NAV2: variants seen among roughly 807,000 people sequenced by gnomAD.
NAV2 encodes neuron navigator 2.
Under a neutral mutation model 223.2 loss-of-function variants are expected in NAV2, and 54 were observed. The ratio of observed to expected loss-of-function variants is 0.24; its 90% CI spans 0.19 to 0.30. The LOEUF (loss-of-function observed/expected upper bound fraction) is 0.30. Ranked by LOEUF, NAV2 falls within the 10% of genes least tolerant of loss-of-function variation. NAV2 has a pLI of 1.00. For missense variants in NAV2, 2,806 were observed against 3,147.5 expected (o/e 0.89, Z 2.60); for synonymous variants, 1,279 against 1,239.3 (o/e 1.03, Z -0.67).
At chr11:19,439,877 A>G (rs146960732) in intron 1 of NAV2, among the ~76,000 whole-genome samples, 6 of 152,338 alleles carry the variant, frequency 3.9e-5, no homozygotes, top group Non-Finnish European at 8.8e-5. Flanking sequence ...ATCAGTCCTC[A>G]TTACCCAGGG....
chr11:19,801,996 C>T (rs1206696494), intron 1 of NAV2, among the ~76,000 whole-genome samples: 1 of 152,060 alleles, frequency 6.6e-6, no homozygotes, highest in East Asian at 1.9e-4. Context: ...GGAGAATAGC[C>T]AGGGTGGTGA....
At chr11:20,066,299 G>A (rs1490743336) in intron 20 of NAV2, among the ~76,000 whole-genome samples, 12 of 152,196 alleles carry the variant, frequency 7.9e-5, no homozygotes, top group Non-Finnish European at 1.8e-4. Flanking sequence ...GTGGTAGTGA[G>A]GATAGATGGA....
chr11:20,004,419 C>G (rs866740624), intron 11 of NAV2, among the ~76,000 whole-genome samples: 1 of 152,136 alleles, frequency 6.6e-6, no homozygotes, highest in Non-Finnish European at 1.5e-5. Context: ...TGCCGTAAGT[C>G]AATACTGGCG....
At chr11:19,609,987 C>A (rs570091740) in intron 1 of NAV2, among the ~76,000 whole-genome samples, 1 of 152,308 alleles carries the variant, frequency 6.6e-6, no homozygotes, top group South Asian at 2.1e-4. Context: ...CAAGTATAAT[C>A]CCAATTTTAC....
At chr11:20,066,095 G>T (rs191201402) in intron 20 of NAV2, among the ~76,000 whole-genome samples, 1 of 152,214 alleles carries the variant, frequency 6.6e-6, no homozygotes. Context: ...TTGTTAAAAG[G>T]ATTAGATGAA....
chr11:20,093,765 A>G (rs1441571184), intron 29 of NAV2, among the ~76,000 whole-genome samples: 4 of 152,228 alleles, frequency 2.6e-5, no homozygotes, highest in South Asian at 2.1e-4. Context: ...TTCACTTCCA[A>G]AGTCTAGGAA....
rs184978478 is a variant in NAV2 at position 19,713,746 on chromosome 11, C to A, written c.51C>A (p.Pro17=). Residue 17 remains proline (P), a synonymous_variant, in exon 1 of 38, where the codon CCC becomes CCA. Coordinates refer to ENST00000349880, the MANE Select transcript of NAV2 (RefSeq NM_145117.5). The surrounding 1 kb of genome is among the most constrained non-coding windows in gnomAD (Gnocchi z 7.2). ...ASKMKSGLPK[P]VHSAAPILHV... ...AAATGAAGTCGGGACTGCCCAAACCCGTGCACAGCGCCGCGCCCATCCTGC... is the reference window on the plus strand; with the variant it reads ...AAATGAAGTCGGGACTGCCCAAACCAGTGCACAGCGCCGCGCCCATCCTGC... The A allele has an allele frequency of 4.3e-5, 70 of 1,611,144 alleles. 1 individual carries two copies. The East Asian group carries it at 1.5e-3, about 35-fold the overall frequency.
chr11:20,071,589 A>G (rs2059407721), intron 22 of NAV2, among the ~76,000 whole-genome samples: 1 of 152,124 alleles, frequency 6.6e-6, no homozygotes, highest in Non-Finnish European at 1.5e-5. Context: ...ACAGTATAAA[A>G]GTGTTCCTAT....
intron 35 of NAV2, among the ~76,000 whole-genome samples, chr11:20,106,207 A>G (rs1390264601): frequency 0.044 from 2,215 of 50,862 alleles, 362 homozygotes; most frequent in African/African-American, 0.063. Context: ...ATATATATAT[A>G]TATATATATA....
At chr11:19,585,563 G>A (rs1007305213) in intron 1 of NAV2, among the ~76,000 whole-genome samples, 1 of 152,104 alleles carries the variant, frequency 6.6e-6, no homozygotes, top group Non-Finnish European at 1.5e-5. Context: ...AGCTCTTTTA[G>A]GGCAGGCCTG....
intron 1 of NAV2, among the ~76,000 whole-genome samples, chr11:19,638,282 C>G (rs2047560394): frequency 6.6e-6 from 1 of 152,246 alleles, no homozygotes; most frequent in South Asian, 2.1e-4. Context: ...GAGTTTCACT[C>G]TCTGTGTCTG....
intron 1 of NAV2, among the ~76,000 whole-genome samples, chr11:19,383,523 T>C (rs150945163): frequency 1.3e-3 from 201 of 152,314 alleles, no homozygotes; most frequent in Middle Eastern, 6.8e-3. Context: ...AAAAAGCCCT[T>C]GAGAAATGCC....
At chr11:20,038,661 G>C (rs1004936209) in intron 12 of NAV2, among the ~76,000 whole-genome samples, 9 of 152,188 alleles carry the variant, frequency 5.9e-5, no homozygotes, top group Non-Finnish European at 8.8e-5. Context: ...CTTCTATGCT[G>C]TGGCTCATTT....
chr11:19,861,369 TTC>T (rs567806481), intron 3 of NAV2, among the ~76,000 whole-genome samples: 92 of 150,312 alleles, frequency 6.1e-4, no homozygotes, highest in Non-Finnish European at 9.8e-4. Flanking sequence ...GCCTGTTCGA[TTC>T]TCTGTTTCAC....
chr11:19,837,319 G>A (rs1263862240), intron 2 of NAV2, among the ~76,000 whole-genome samples: 1 of 152,224 alleles, frequency 6.6e-6, no homozygotes, highest in Non-Finnish European at 1.5e-5. Flanking sequence ...GATAGAGGGA[G>A]TTGCAGCCTT....
chr11:19,554,855 G>T (rs1053287050), intron 1 of NAV2, among the ~76,000 whole-genome samples: 1 of 151,902 alleles, frequency 6.6e-6, no homozygotes, highest in African/African-American at 2.4e-5. Flanking sequence ...GCTGAGGCAG[G>T]AGAATCACTT....
intron 7 of NAV2, among the ~76,000 whole-genome samples, chr11:19,934,628 G>A (rs955063075): frequency 2.6e-5 from 4 of 152,126 alleles, no homozygotes; most frequent in Admixed American, 6.5e-5. Context: ...GGTGTCACCC[G>A]ACAGTCCCCA....
intron 1 of NAV2, among the ~76,000 whole-genome samples, chr11:19,761,862 A>G (rs2054774067): frequency 6.6e-6 from 1 of 152,100 alleles, no homozygotes; most frequent in African/African-American, 2.4e-5. Flanking sequence ...CATGTTCATT[A>G]CCTTCACCCT....
At chr11:19,787,642 T>C (rs1354833298) in intron 1 of NAV2, among the ~76,000 whole-genome samples, 1 of 152,114 alleles carries the variant, frequency 6.6e-6, no homozygotes, top group Admixed American at 6.5e-5. Context: ...CAGATATGTT[T>C]AAGAGGTGTG....
Sources: gnomAD v4.1 joint callset for allele counts (sites outside exome capture counted in the v4.1 genomes callset) on GRCh38, gnomAD v4.1.1 for gene constraint, Gnocchi (gnomAD v3.1) non-coding constraint, MANE v1.5 for transcripts, NCBI Gene and HGNC (gene_info 2026-07-23, HGNC 2026-07-21) for gene names.